FNTB: variants seen among roughly 807,000 people sequenced by gnomAD.
The protein encoded by FNTB is protein farnesyltransferase subunit beta.
A neutral mutation model predicts 59.4 loss-of-function variants in FNTB; 27 were observed. That is an observed-to-expected ratio of 0.45 (90% confidence interval 0.34 to 0.63). FNTB has a LOEUF of 0.63. Ranked by LOEUF, FNTB falls within the 20% of genes least tolerant of loss-of-function variation. FNTB has a pLI of 0.02. For missense variants in FNTB, 449 were observed against 559.6 expected, an observed-to-expected ratio of 0.80 and a Z score of 1.99; for synonymous variants, 230 against 220.7, an observed-to-expected ratio of 1.04 and a Z score of -0.37.
At chr14:65,016,241 T>A (rs1331952254) in intron 4 of FNTB, among the ~76,000 whole-genome samples, 1 of 152,200 alleles carries the variant, frequency 6.6e-6, no homozygotes, top group East Asian at 1.9e-4. Context: ...ACCTGATCGA[T>A]GATTAGAGAT....
In FNTB at chr14:64,994,394, A is replaced by C. The variant is rs941787878; in HGVS notation, c.144+7297A>C. On this transcript the variant is annotated intron_variant, in intron 1 of 11. Transcript: ENST00000246166. This position sits in a 1 kb window ranked among gnomAD's most constrained non-coding sequence, Gnocchi z 4.2. Reference sequence around the variant, plus strand: ...ATGTATCACTTAACAGTAGAAATACATTGTCAGTAGGAAATTTCCTTGTCA... The same window carrying C: ...ATGTATCACTTAACAGTAGAAATACCTTGTCAGTAGGAAATTTCCTTGTCA... 1.3e-5 allele frequency among the ~76,000 whole-genome samples: 2 copies of C among 152,158 alleles called. No individual in the cohort carries two copies. The highest frequency in any genetic ancestry group is 4.8e-5 in the African/African-American group (2 of 41,414).
rs1566870368 is a variant in FNTB at position 65,014,813 on chromosome 14, C to G, written c.283-812C>G. On this transcript the variant is annotated intron_variant, in intron 3 of 11. Coordinates refer to ENST00000246166, the MANE Select transcript of FNTB (RefSeq NM_002028.4). This position sits in a 1 kb window ranked among gnomAD's most constrained non-coding sequence, Gnocchi z 5.1. ...TGGGTGACAGAGCGAGACCCTGTCTCAAAAAAATAAACGGTAGAAACCAAA... is the reference window on the plus strand; with the variant it reads ...TGGGTGACAGAGCGAGACCCTGTCTGAAAAAAATAAACGGTAGAAACCAAA... Among the ~76,000 whole-genome samples the G allele has an allele frequency of 1.3e-5, 2 of 151,844 alleles. No individual in the cohort carries two copies. The highest frequency in any genetic ancestry group is 2.9e-5 in the Non-Finnish European group (2 of 67,970).
At chr14:65,006,156 CTTTTTT>C in intron 2 of FNTB, 14 of 1,500,688 alleles carry the variant, frequency 9.3e-6, no homozygotes, top group Admixed American at 4.1e-5. Flanking sequence ...ACCTTTGTGT[CTTTTTT>C]TTTTTTTTTT....
chr14:65,015,351 C>G (rs1285855777), intron 3 of FNTB, among the ~76,000 whole-genome samples: 3 of 151,676 alleles, frequency 2.0e-5, no homozygotes, highest in Non-Finnish European at 4.4e-5. Context: ...GATCCACCCA[C>G]CTTGGCCTCC....
intron 7 of FNTB, among the ~76,000 whole-genome samples, chr14:65,038,520 C>T (rs779594653): frequency 6.6e-6 from 1 of 151,940 alleles, no homozygotes; most frequent in Non-Finnish European, 1.5e-5. Flanking sequence ...GAGTTCGAAA[C>T]CAGCCTGACC....
At chr14:65,058,457 T>C (rs1438847414) in intron 11 of FNTB, among the ~76,000 whole-genome samples, 1 of 152,192 alleles carries the variant, frequency 6.6e-6, no homozygotes, top group Non-Finnish European at 1.5e-5. Flanking sequence ...CCATTTTATT[T>C]TTCTTGCCTT....
intron 9 of FNTB, among the ~76,000 whole-genome samples, chr14:65,051,438 A>G (rs2139667850): frequency 6.6e-6 from 1 of 152,152 alleles, no homozygotes; most frequent in African/African-American, 2.4e-5. Flanking sequence ...TAGTGAAACC[A>G]TGTCTCTACT....
chr14:65,016,257 C>G (rs750174840), intron 4 of FNTB, among the ~76,000 whole-genome samples: 13 of 152,214 alleles, frequency 8.5e-5, no homozygotes, highest in Non-Finnish European at 1.8e-4. Context: ...GAGATCTAAG[C>G]AACTGAGCTT....
chr14:65,052,867 A>C (rs2062645706), intron 9 of FNTB, among the ~76,000 whole-genome samples: 1 of 152,188 alleles, frequency 6.6e-6, no homozygotes, highest in South Asian at 2.1e-4. Flanking sequence ...ATGTCTCTTG[A>C]AGTCCAGGGT....
In FNTB at chr14:65,028,842, C is replaced by T. The variant is rs1047872127; in HGVS notation, c.605+1061C>T. On this transcript the variant is annotated intron_variant, in intron 6 of 11. Coordinates refer to ENST00000246166, the MANE Select transcript of FNTB (RefSeq NM_002028.4). The surrounding 1 kb of genome is among the most constrained non-coding windows in gnomAD (Gnocchi z 4.4). The stretch of plus-strand genomic sequence containing the variant: ...TTTTCCCTCGTGTTCACTACATTTT[C>T]GTTCCTGTTCTGTTGCTATTCCCCC... 1.3e-5 allele frequency among the ~76,000 whole-genome samples: 2 copies of T among 152,144 alleles called. No individual in the cohort carries two copies. The highest frequency in any genetic ancestry group is 1.5e-5 in the Non-Finnish European group (1 of 68,028).
intron 8 of FNTB, among the ~76,000 whole-genome samples, chr14:65,043,779 GCCACTGCAGT>G (rs1468970733): frequency 7.7e-6 from 1 of 130,322 alleles, no homozygotes; most frequent in Non-Finnish European, 1.6e-5. Flanking sequence ...CCGAGATTGC[GCCACTGCAGT>G]CCGCAGTCCG....
At position 65,009,825 on chromosome 14, in the gene FNTB, A is replaced by C. The variant is rs2061656419; in HGVS notation, c.210-2492A>C. Among the ~76,000 whole-genome samples the C allele has an allele frequency of 1.3e-5, 2 of 151,762 alleles. No homozygotes were observed. Among genetic ancestry groups the C allele is most frequent in the African/African-American group, 4.8e-5 (2 of 41,290 alleles). On this transcript the variant is annotated intron_variant, in intron 2 of 11. Transcript: ENST00000246166. The surrounding 1 kb of genome is among the most constrained non-coding windows in gnomAD (Gnocchi z 4.2). ...TCTTCCCTTTGGGAAGAGTTTTCTG[A>C]CCCTCCATCTCTTCCCGTGGCTGAT...
intron 4 of FNTB, among the ~76,000 whole-genome samples, chr14:65,022,674 TA>T (rs534936170): frequency 1.2e-3 from 176 of 144,488 alleles, no homozygotes; most frequent in Non-Finnish European, 1.2e-3. Flanking sequence ...GCCAAATACT[TA>T]AAAAAAAAAA....
chr14:65,023,715 C>T lies in FNTB; in HGVS notation c.375-3738C>T, dbSNP rs1161261754. ...TTAAATTGCCTCATGTGGCTAGTGG[C>T]TGCCTATTGGACAGCACAGATGTAT... is the stretch of plus-strand genomic sequence containing the variant. On this transcript the variant is annotated intron_variant, in intron 4 of 11. Coordinates refer to ENST00000246166, the MANE Select transcript of FNTB (RefSeq NM_002028.4). This position sits in a 1 kb window ranked among gnomAD's most constrained non-coding sequence, Gnocchi z 4.1. 6.6e-6 allele frequency among the ~76,000 whole-genome samples: 1 copy of T among 152,108 alleles called. No individual in the cohort carries two copies. The highest frequency in any genetic ancestry group is 1.5e-5 in the Non-Finnish European group (1 of 67,994).
intron 1 of FNTB, among the ~76,000 whole-genome samples, chr14:64,988,418 A>G (rs2140030785): frequency 6.9e-6 from 1 of 144,810 alleles, no homozygotes; most frequent in South Asian, 2.3e-4. Context: ...TTTACTTATT[A>G]TCTGACCTTA....
chr14:65,049,848 C>A (rs1189539113), intron 9 of FNTB, among the ~76,000 whole-genome samples: 3 of 152,142 alleles, frequency 2.0e-5, no homozygotes, highest in African/African-American at 7.2e-5. Context: ...CAGTTGCGAA[C>A]CATCATGACA....
In FNTB at chr14:65,054,498, C is replaced by A; in HGVS notation, c.1068-77C>A. The A allele has an allele frequency of 1.4e-6, 2 of 1,418,540 alleles. No homozygotes were observed. The highest frequency in any genetic ancestry group is 2.5e-5 in the South Asian group (2 of 79,858). 87.9% of individuals were successfully genotyped at this position (1,418,540 alleles called of 1,614,324 possible). A position where few individuals can be genotyped will look rare whatever the true frequency, so the allele number is the denominator to read the frequency against. On this transcript the variant is annotated intron_variant, in intron 10 of 11. Coordinates refer to ENST00000246166, the MANE Select transcript of FNTB (RefSeq NM_002028.4). The surrounding 1 kb of genome is among the most constrained non-coding windows in gnomAD (Gnocchi z 4.4). ...GGGGACGTGTGATTGCACCAGTGGT[C>A]TCTGAATTGGTGTGGCTACATTTGT... is the stretch of plus-strand genomic sequence containing the variant.
Position 65,009,614 on chromosome 14 carries a change from C to T in FNTB, c.210-2703C>T, listed in dbSNP as rs1330582356. On this transcript the variant is annotated intron_variant, in intron 2 of 11. Transcript: ENST00000246166. This position sits in a 1 kb window ranked among gnomAD's most constrained non-coding sequence, Gnocchi z 4.2. ...CTCCTACTATACCCTCATCCCAGCC[C>T]TCCTCCATCCTCTTTACAGACCTTC... Among the ~76,000 whole-genome samples the T allele has an allele frequency of 1.3e-5, 2 of 152,150 alleles. No homozygotes were observed. Among genetic ancestry groups the T allele is most frequent in the Non-Finnish European group, 2.9e-5 (2 of 68,034 alleles).
chr14:65,049,673 G>T (rs1239867087), intron 9 of FNTB, among the ~76,000 whole-genome samples: 1 of 152,062 alleles, frequency 6.6e-6, no homozygotes, highest in Non-Finnish European at 1.5e-5. Context: ...TTAGCCACAG[G>T]TTATCATTTA....
Sources: gnomAD v4.1 joint callset for allele counts (sites outside exome capture counted in the v4.1 genomes callset) on GRCh38, gnomAD v4.1.1 for gene constraint, Gnocchi (gnomAD v3.1) non-coding constraint, MANE v1.5 for transcripts, NCBI Gene and HGNC (gene_info 2026-07-23, HGNC 2026-07-21) for gene names.